Variants in CALCRL observed in about 807,000 individuals in gnomAD.
CALCRL encodes the protein calcitonin receptor like receptor.
Under a neutral mutation model 60.4 loss-of-function variants are expected in CALCRL, and 27 were observed. The ratio of observed to expected loss-of-function variants is 0.45; its 90% CI spans 0.33 to 0.62. CALCRL has a LOEUF of 0.62. Among genes scored for constraint, CALCRL ranks in the 20% least tolerant of loss-of-function variants. The probability of loss-of-function intolerance (pLI) is 0.03; values close to 1 mark genes in which losing one functional copy is unlikely to be tolerated. For missense variants in CALCRL, 424 were observed against 540.7 expected (o/e 0.78, Z 2.14); for synonymous variants, 190 against 182.6 (o/e 1.04, Z -0.33).
chr2:187,350,053 G>A (rs1686457147), intron 14 of CALCRL, among the ~76,000 whole-genome samples: 1 of 151,550 alleles, frequency 6.6e-6, no homozygotes, highest in African/African-American at 2.4e-5. Flanking sequence ...CCTGAAATTT[G>A]CCAGCATTTG....
chr2:187,411,711 G>C (rs546285553), intron 1 of CALCRL, among the ~76,000 whole-genome samples: 4 of 152,014 alleles, frequency 2.6e-5, no homozygotes, highest in African/African-American at 7.2e-5. Context: ...GAAGTAGGGG[G>C]TGTAGTAAAA....
chr2:187,364,180 C>T (rs1687178677), intron 8 of CALCRL, among the ~76,000 whole-genome samples: 1 of 52,628 alleles, frequency 1.9e-5, no homozygotes, highest in Non-Finnish European at 5.1e-5. Context: ...GTGGAGTTCA[C>T]ATAGAAGTAG....
intron 7 of CALCRL, 152 bp from the exon 8 acceptor site, chr2:187,379,183 T>TA (rs1275685513): frequency 3.7e-5 from 17 of 455,050 alleles, no homozygotes; most frequent in African/African-American, 2.5e-4. Flanking sequence ...TACAAACCAA[T>TA]AAATACTTGA....
Position 187,380,551 on chromosome 2 carries a change from AT to A in CALCRL, c.323del (p.Asp108ValfsTer28). 1 of 1,613,398 alleles carries A rather than the reference AT, an allele frequency of 6.2e-7. No individual in the cohort carries two copies. The highest frequency in any genetic ancestry group is 8.5e-7 in the Non-Finnish European group (1 of 1,179,446). ...TTGCTGGATGTCTAAACCAGTTTCC[AT>A]CTTGGTCACAGATCTTTGTAACTTT... is the stretch of plus-strand genomic sequence containing the variant. ...SEKVTKICDQ[D>X]GNWFRHPASN... On this transcript the variant is annotated frameshift_variant, in exon 7 of 15. Transcript: ENST00000392370. LOFTEE classifies it high-confidence loss of function.
intron 1 of CALCRL, among the ~76,000 whole-genome samples, chr2:187,444,379 T>C (rs1343794229): frequency 2.0e-5 from 3 of 151,622 alleles, no homozygotes; most frequent in African/African-American, 7.2e-5. Flanking sequence ...TTATGCTAGA[T>C]TGAACTGGGT....
intron 14 of CALCRL, 113 bp downstream of exon 14, chr2:187,351,806 GA>G: frequency 1.5e-6 from 1 of 688,892 alleles, no homozygotes; most frequent in Non-Finnish European, 2.4e-6. Flanking sequence ...GATGGAAACA[GA>G]ATTTAACATG....
Position 187,387,511 on chromosome 2 carries a change from CA to C in CALCRL, c.-201-19del, listed in dbSNP as rs1688257964. On this transcript the variant is annotated intron_variant, in intron 2 of 14. Transcript: ENST00000392370. ...TAGACGATCTTGAGAAAAATATAAC[CA>C]AAATACCATGAATCATTGTATTAAT... is the stretch of plus-strand genomic sequence containing the variant. 3.6e-5 allele frequency: 12 copies of C among 330,684 alleles called. No homozygotes were observed. The East Asian group carries it at 5.4e-4, about 15-fold the overall frequency. The allele number at this position is 330,684 out of a possible 1,614,324, so 20.5% of individuals were successfully genotyped here. A position where few individuals can be genotyped will look rare whatever the true frequency, so the allele number is the denominator to read the frequency against.
chr2:187,439,889 A>C (rs1690813347), intron 1 of CALCRL, among the ~76,000 whole-genome samples: 1 of 152,182 alleles, frequency 6.6e-6, no homozygotes, highest in Non-Finnish European at 1.5e-5. Context: ...AAATGGAAGA[A>C]GAGACATTTA....
At chr2:187,358,168 T>C (rs556093288) in intron 12 of CALCRL, among the ~76,000 whole-genome samples, 5 of 152,022 alleles carry the variant, frequency 3.3e-5, no homozygotes, top group African/African-American at 1.2e-4. Flanking sequence ...CTGGGCAACA[T>C]AGTGAGATCC....
intron 8 of CALCRL, among the ~76,000 whole-genome samples, chr2:187,373,524 A>T (rs999702597): frequency 6.6e-6 from 1 of 152,170 alleles, no homozygotes; most frequent in East Asian, 1.9e-4. Flanking sequence ...TCCATTTAAA[A>T]CCAGAACTTG....
At chr2:187,407,657 A>C (rs1051299862) in intron 1 of CALCRL, among the ~76,000 whole-genome samples, 1 of 152,150 alleles carries the variant, frequency 6.6e-6, no homozygotes, top group Non-Finnish European at 1.5e-5. Flanking sequence ...TACAAGAATG[A>C]AAAGTCTTTG....
At position 187,354,485 on chromosome 2, in the gene CALCRL, G is replaced by A. The variant is rs146460926; in HGVS notation, c.910-2153C>T. Among the ~76,000 whole-genome samples, 378 of 152,106 alleles carry A rather than the reference G, an allele frequency of 2.5e-3. 1 individual carries two copies. The highest frequency in any genetic ancestry group is 4.0e-3 in the Non-Finnish European group (271 of 67,962). On this transcript the variant is annotated intron_variant, in intron 12 of 14. Transcript: ENST00000392370. ...GAAATGTGATGGAGGAAGTCTGAGT[G>A]GAATGACTTGTGATTAAAATATCTT...
chr2:187,386,816 G>A (rs1474908971), intron 3 of CALCRL, among the ~76,000 whole-genome samples: 2 of 152,070 alleles, frequency 1.3e-5, no homozygotes, highest in Non-Finnish European at 2.9e-5. Context: ...CATGGAGGTG[G>A]GTCTTTCCAC....
At chr2:187,361,212 G>A (rs572788745) in intron 9 of CALCRL, among the ~76,000 whole-genome samples, 34 of 152,062 alleles carry the variant, frequency 2.2e-4, no homozygotes, top group African/African-American at 7.5e-4. Flanking sequence ...TCATGCAAAT[G>A]CTTATTAAGA....
At position 187,352,106 on chromosome 2, in the gene CALCRL, T is replaced by C. The variant is rs770245616; in HGVS notation, c.1128+8A>G. The C allele has an allele frequency of 6.2e-7, 1 of 1,608,714 alleles. No homozygotes were observed. The highest frequency in any genetic ancestry group is 8.5e-7 in the Non-Finnish European group (1 of 1,175,644). ...TCTCAAGCTGCCTTCTTATCAAGAA[T>C]GCCATACCTGGAAGTGCATAAGGAT... On this transcript the variant is annotated splice_region_variant and intron_variant, in intron 13 of 14. Coordinates refer to ENST00000392370, the MANE Select transcript of CALCRL (RefSeq NM_005795.6).
chr2:187,446,055 A>C (rs1278388804), intron 1 of CALCRL, among the ~76,000 whole-genome samples: 1 of 151,640 alleles, frequency 6.6e-6, no homozygotes, highest in African/African-American at 2.4e-5. Context: ...CAAAAACATT[A>C]TCTCTTTAAG....
At chr2:187,408,259 A>G (rs921281555) in intron 1 of CALCRL, among the ~76,000 whole-genome samples, 5 of 152,000 alleles carry the variant, frequency 3.3e-5, no homozygotes, top group African/African-American at 1.2e-4. Context: ...ACACAGTGCT[A>G]TTTTCATGTT....
At chr2:187,416,345 A>G (rs1015306480) in intron 1 of CALCRL, among the ~76,000 whole-genome samples, 3 of 152,128 alleles carry the variant, frequency 2.0e-5, no homozygotes, top group Non-Finnish European at 4.4e-5. Flanking sequence ...ATCTTGAATG[A>G]TACAGAGTTA....
At chr2:187,356,076 A>AAAGTAATTT (rs1467819286) in intron 12 of CALCRL, among the ~76,000 whole-genome samples, 4 of 152,192 alleles carry the variant, frequency 2.6e-5, no homozygotes, top group Non-Finnish European at 4.4e-5. Context: ...CATACTACCC[A>AAAGTAATTT]AAGTAATTTA....
Sources: gnomAD v4.1 joint callset for allele counts (sites outside exome capture counted in the v4.1 genomes callset) on GRCh38, gnomAD v4.1.1 for gene constraint, MANE v1.5 for transcripts, NCBI Gene and HGNC (gene_info 2026-07-23, HGNC 2026-07-21) for gene names.